The following EEA1 variants were observed in gnomAD, a reference collection of about 807,000 sequenced individuals.
EEA1 encodes early endosome antigen 1, 162kD.
A neutral mutation model predicts 209.2 loss-of-function variants in EEA1; 111 were observed. The ratio of observed to expected loss-of-function variants is 0.53; its 90% confidence interval spans 0.45 to 0.62. EEA1 has a LOEUF of 0.62. Among genes scored for constraint, EEA1 ranks in the 20% least tolerant of loss-of-function variants. The pLI is 0.00. For synonymous variants in EEA1, 536 were observed against 540.6 expected (o/e 0.99, Z 0.12); for missense variants, 1,343 against 1,530.8 (o/e 0.88, Z 2.05).
intron 25 of EEA1, 135 bp from the exon 26 acceptor site, chr12:92,778,314 A>G (rs1873750771): frequency 2.9e-6 from 2 of 681,032 alleles, no homozygotes; most frequent in Non-Finnish European, 4.9e-6. Context: ...TTCATTACAC[A>G]TTAATAAAAC....
At chr12:92,800,872 G>A (rs979175000) in intron 20 of EEA1, among the ~76,000 whole-genome samples, 16 of 152,200 alleles carry the variant, frequency 1.1e-4, no homozygotes, top group Admixed American at 6.5e-5. Context: ...TTATAATTTT[G>A]CTACTTACAT....
chr12:92,867,655 C>T (rs1878461329), intron 2 of EEA1, among the ~76,000 whole-genome samples: 2 of 152,112 alleles, frequency 1.3e-5, no homozygotes, highest in Admixed American at 6.6e-5. Context: ...AATCAAGGCT[C>T]ACTGTTTATT....
intron 1 of EEA1, among the ~76,000 whole-genome samples, chr12:92,921,515 C>T (rs11106743): frequency 1.7e-4 from 20 of 116,826 alleles, no homozygotes; most frequent in Non-Finnish European, 1.4e-4. Context: ...AACCAAACAC[C>T]GCATATTCTC....
intron 23 of EEA1, 91 bp downstream of exon 23, chr12:92,781,859 G>T: frequency 8.8e-7 from 1 of 1,130,464 alleles, no homozygotes; most frequent in Middle Eastern, 2.2e-4. Context: ...AAATAAGGAT[G>T]ATGCCTGTAC....
At chr12:92,800,290 C>T (rs1160415749) in intron 20 of EEA1, among the ~76,000 whole-genome samples, 1 of 152,044 alleles carries the variant, frequency 6.6e-6, no homozygotes, top group Admixed American at 6.6e-5. Context: ...TTTACTACTA[C>T]CTTGTTTGTA....
chr12:92,905,215 A>G (rs1592770299), intron 1 of EEA1, among the ~76,000 whole-genome samples: 1 of 152,196 alleles, frequency 6.6e-6, no homozygotes, highest in East Asian at 1.9e-4. Context: ...AAGAAAAAAG[A>G]CCAAATATAT....
At chr12:92,811,515 AC>A in intron 16 of EEA1, 81 bp from the exon 17 acceptor site, 1 of 944,504 alleles carries the variant, frequency 1.1e-6, no homozygotes, top group South Asian at 3.6e-5. Context: ...AAAATTGAAA[AC>A]TCTAATTTTA....
At chr12:92,912,576 T>G (rs1880617481) in intron 1 of EEA1, among the ~76,000 whole-genome samples, 1 of 152,238 alleles carries the variant, frequency 6.6e-6, no homozygotes, top group Non-Finnish European at 1.5e-5. Context: ...TTTCTTTTTA[T>G]AGATTTAGTG....
intron 3 of EEA1, among the ~76,000 whole-genome samples, chr12:92,860,652 T>G (rs1326786873): frequency 6.6e-6 from 1 of 151,180 alleles, no homozygotes; most frequent in Non-Finnish European, 1.5e-5. Flanking sequence ...CTACAGGGGG[T>G]TTGGCTGGTG....
intron 6 of EEA1, 49 bp downstream of exon 6, chr12:92,853,866 A>C (rs756988467): frequency 6.5e-7 from 1 of 1,542,874 alleles, no homozygotes; most frequent in East Asian, 2.3e-5. Flanking sequence ...AGGAAAACAA[A>C]TAAGAAGAAA....
intron 2 of EEA1, among the ~76,000 whole-genome samples, chr12:92,884,959 GA>G (rs1879317980): frequency 2.7e-5 from 1 of 36,804 alleles, no homozygotes; most frequent in African/African-American, 9.6e-5. Flanking sequence ...TTTCAATGTA[GA>G]TTTTTTTTTT....
chr12:92,808,396 C>A (rs1443782648), intron 18 of EEA1, among the ~76,000 whole-genome samples: 1 of 151,882 alleles, frequency 6.6e-6, no homozygotes, highest in Non-Finnish European at 1.5e-5. Flanking sequence ...ATAAGAAAAA[C>A]AAGAAGGCAC....
At chr12:92,825,344 C>G (rs954735437) in intron 13 of EEA1, among the ~76,000 whole-genome samples, 2 of 151,924 alleles carry the variant, frequency 1.3e-5, no homozygotes, top group African/African-American at 4.8e-5. Context: ...CCAGCTACTA[C>G]CCGGGAGGCT....
intron 21 of EEA1, among the ~76,000 whole-genome samples, chr12:92,796,693 A>T (rs1743710288): frequency 6.6e-6 from 1 of 152,204 alleles, no homozygotes; most frequent in Non-Finnish European, 1.5e-5. Context: ...CTACTTCACC[A>T]TGGGCCAGTG....
chr12:92,863,958 C>G (rs189018539), intron 3 of EEA1, among the ~76,000 whole-genome samples: 1 of 152,218 alleles, frequency 6.6e-6, no homozygotes, highest in East Asian at 1.9e-4. Context: ...AATTTAACTA[C>G]ATGTTTTTAA....
intron 2 of EEA1, among the ~76,000 whole-genome samples, chr12:92,881,184 G>C (rs1040846842): frequency 2.6e-5 from 4 of 152,050 alleles, no homozygotes; most frequent in African/African-American, 9.7e-5. Flanking sequence ...CGGGTGGACT[G>C]TTTGAGCCCA....
intron 10 of EEA1, among the ~76,000 whole-genome samples, chr12:92,837,124 TAAAAAA>T (rs10590679): frequency 7.0e-6 from 1 of 142,668 alleles, no homozygotes; most frequent in Non-Finnish European, 1.5e-5. Flanking sequence ...CTGTCTCATT[TAAAAAA>T]AAAAAAAAAA....
At chr12:92,820,590 T>A (rs7134050) in intron 13 of EEA1, among the ~76,000 whole-genome samples, 7 of 151,628 alleles carry the variant, frequency 4.6e-5, no homozygotes, top group Admixed American at 4.6e-4. Flanking sequence ...CACCGGAGCC[T>A]GTTGGGGGTT....
intron 3 of EEA1, chr12:92,859,231 A>T: frequency 6.2e-7 from 1 of 1,612,816 alleles, no homozygotes; most frequent in Non-Finnish European, 8.5e-7. Flanking sequence ...CCACTTTGGT[A>T]GGGACAGCTT....
Sources: allele counts gnomAD v4.1 joint callset (sites outside exome capture counted in the v4.1 genomes callset), GRCh38; gene constraint gnomAD v4.1.1; transcripts MANE v1.5; gene names NCBI Gene and HGNC (gene_info 2026-07-23, HGNC 2026-07-21).